Variants in DNAJB1 observed in about 807,000 individuals in gnomAD.
DNAJB1 encodes dnaJ homolog subfamily B member 1.
Under a neutral mutation model 24.0 loss-of-function variants are expected in DNAJB1, and 14 were observed. That is an observed-to-expected ratio of 0.58 (90% CI 0.39 to 0.91). DNAJB1 has a LOEUF of 0.91. DNAJB1 is among the 40% of genes least tolerant of loss of function. The pLI is 0.00. For missense variants in DNAJB1, 517 were observed against 458.1 expected (o/e 1.13, Z -1.17); for synonymous variants, 262 against 174.4 (o/e 1.50, Z -3.96).
chr19:14,538,800 G>A (rs1372688931), intron 1 of DNAJB1, among the ~76,000 whole-genome samples: 3 of 151,878 alleles, frequency 2.0e-5, no homozygotes, highest in African/African-American at 7.3e-5. Context: ...CAAAGTGCTG[G>A]GATTATAGGC....
intron 1 of DNAJB1, among the ~76,000 whole-genome samples, chr19:14,542,425 A>T (rs1001517469): frequency 3.8e-5 from 5 of 131,864 alleles, no homozygotes; most frequent in Non-Finnish European, 7.7e-5. Context: ...GCAGTGGTGC[A>T]ATCTCGGCTC....
chr19:14,522,334 C>G (rs1030010900), upstream of DNAJB1, among the ~76,000 whole-genome samples: 4 of 151,696 alleles, frequency 2.6e-5, no homozygotes, highest in Non-Finnish European at 4.4e-5. Flanking sequence ...AAAGCCAACA[C>G]TGAGGCCGGG....
chr19:14,551,913 C>T (rs10420177), upstream of DNAJB1, among the ~76,000 whole-genome samples: 1,524 of 133,738 alleles, frequency 0.011, 9 homozygotes, highest in Non-Finnish European at 0.018. Context: ...CTCTCTCTCC[C>T]CCTCCCTCCC....
chr19:14,520,383 G>A (rs1163012119), upstream of DNAJB1, among the ~76,000 whole-genome samples: 1 of 151,822 alleles, frequency 6.6e-6, no homozygotes, highest in Admixed American at 6.6e-5. Flanking sequence ...GAGGCTGCAG[G>A]CAGCTATGAT....
intron 1 of DNAJB1, 165 bp downstream of exon 1, chr19:14,517,974 C>T (rs1291778412): frequency 9.0e-6 from 6 of 664,940 alleles, no homozygotes; most frequent in East Asian, 3.5e-5. Context: ...CCTCCCACCG[C>T]GCGGCCGCCA....
chr19:14,553,766 C>T (rs937568987), upstream of DNAJB1, among the ~76,000 whole-genome samples: 2 of 152,102 alleles, frequency 1.3e-5, no homozygotes, highest in Non-Finnish European at 2.9e-5. Context: ...GCCAGGCCTC[C>T]GACCTCTATG....
upstream of DNAJB1, chr19:14,533,898 A>AT (rs1395899123): frequency 6.6e-6 from 1 of 151,918 alleles, no homozygotes; most frequent in Admixed American, 6.6e-5. Flanking sequence ...TTTTTAATGT[A>AT]TTTTTTTATT....
upstream of DNAJB1, among the ~76,000 whole-genome samples, chr19:14,520,134 G>A (rs2072344275): frequency 6.6e-6 from 1 of 152,172 alleles, no homozygotes; most frequent in African/African-American, 2.4e-5. Context: ...ACATCATGAG[G>A]GCTTTGAAGT....
intron 1 of DNAJB1, 23 bp from the exon 2 acceptor site, chr19:14,517,069 G>A (rs1297794309): frequency 1.9e-6 from 3 of 1,583,948 alleles, no homozygotes. Flanking sequence ...TTTAGAAGCA[G>A]TCAGATGGCT....
chr19:14,518,586 T>G (rs1330313034), upstream of DNAJB1, among the ~76,000 whole-genome samples: 1 of 142,794 alleles, frequency 7.0e-6, no homozygotes, highest in African/African-American at 2.6e-5. Flanking sequence ...CCACGCCCCC[T>G]CCCGCTCCGC....
intron 1 of DNAJB1, chr19:14,517,539 G>C (rs1039734775): frequency 1.3e-5 from 2 of 154,996 alleles, no homozygotes; most frequent in African/African-American, 4.8e-5. Context: ...AAGCCCAGAA[G>C]CCAGCCTGAA....
chr19:14,539,811 C>T (rs73002847), intron 1 of DNAJB1, among the ~76,000 whole-genome samples: 49,776 of 151,784 alleles, frequency 0.33, 8,803 homozygotes, highest in Non-Finnish European at 0.41. Context: ...AGTCCAACCC[C>T]TTGCCTGTCA....
At chr19:14,547,735 T>G (rs1317092956) in intron 1 of DNAJB1, among the ~76,000 whole-genome samples, 1 of 151,656 alleles carries the variant, frequency 6.6e-6, no homozygotes, top group East Asian at 1.9e-4. Context: ...TATAGTTCAC[T>G]GCAGCTTGGG....
chr19:14,532,126 A>G (rs1056966302), upstream of DNAJB1: 2 of 152,102 alleles, frequency 1.3e-5, no homozygotes, highest in African/African-American at 4.8e-5. Context: ...CAGTCAGATA[A>G]AGTAGGCCTC....
chr19:14,516,446 C>G lies in DNAJB1; in HGVS notation c.792+20G>C. 1 of 1,604,892 alleles carries G rather than the reference C, an allele frequency of 6.2e-7. No individual in the cohort carries two copies. ...AGCAGCCATCGCCCTCTACAGACAC[C>G]GCCCCACCTGGCACCTTACCTCCCG... is the stretch of plus-strand genomic sequence containing the variant. On this transcript the variant is annotated intron_variant, in intron 2 of 2. Coordinates refer to ENST00000254322, the MANE Select transcript of DNAJB1 (RefSeq NM_006145.3).
At position 14,517,987 on chromosome 19, in the gene DNAJB1, C is replaced by T. The variant is rs544503052; in HGVS notation, c.211+152G>A. On this transcript the variant is annotated intron_variant, in intron 1 of 2. Coordinates refer to ENST00000254322, the MANE Select transcript of DNAJB1 (RefSeq NM_006145.3). ...CTCCTCCCACCGCGCGGCCGCCAAT[C>T]CGAGGGCGGAGGCCCGCGAGGCCGG... 4.3e-5 allele frequency: 36 copies of T among 844,730 alleles called. No individual in the cohort carries two copies. In the South Asian group the frequency reaches 7.8e-4, roughly 18 times the overall value. The allele number at this position is 844,730 out of a possible 1,614,324, so 52.3% of individuals were successfully genotyped here. A position where few individuals can be genotyped will look rare whatever the true frequency, so the allele number is the denominator to read the frequency against.
intron 1 of DNAJB1, chr19:14,545,251 T>C: frequency 2.2e-6 from 1 of 455,682 alleles, no homozygotes; most frequent in African/African-American, 2.0e-5. Flanking sequence ...AAATTTACTC[T>C]GTTCCAGCCT....
At chr19:14,516,199 G>A (rs757201044) in intron 2 of DNAJB1, 29 bp from the exon 3 acceptor site, 8 of 1,611,324 alleles carry the variant, frequency 5.0e-6, no homozygotes, top group South Asian at 1.1e-5. Flanking sequence ...AGCATTAGAT[G>A]GAAGCTGGCT....
rs2072247925 is a variant in DNAJB1 at position 14,515,841 on chromosome 19, G to A, written c.*99C>T. On this transcript the variant is annotated 3_prime_UTR_variant, in exon 3 of 3. Transcript: ENST00000254322. ...ATTCAGCAGTACGAAAGCCCTCCCT[G>A]GGCCCTCCCACCCTCTCATGGTCCA... 9.5e-6 allele frequency: 11 copies of A among 1,153,422 alleles called. No homozygotes were observed. The highest frequency in any genetic ancestry group is 1.4e-5 in the Non-Finnish European group (11 of 794,832). The allele number at this position is 1,153,422 out of a possible 1,614,324, so 71.4% of individuals were successfully genotyped here. A position where few individuals can be genotyped will look rare whatever the true frequency, so the allele number is the denominator to read the frequency against.
Sources: allele counts gnomAD v4.1 joint callset (sites outside exome capture counted in the v4.1 genomes callset), GRCh38; gene constraint gnomAD v4.1.1; transcripts MANE v1.5; gene names NCBI Gene and HGNC (gene_info 2026-07-23, HGNC 2026-07-21).